Variants in GRM5 observed in about 807,000 individuals in gnomAD.
The protein encoded by GRM5 is metabotropic glutamate receptor 5.
A neutral mutation model predicts 83.1 loss-of-function variants in GRM5; 19 were observed. The observed-to-expected ratio is 0.23, with a 90% CI of 0.16 to 0.34. GRM5 has a LOEUF of 0.34. Ranked by LOEUF, GRM5 falls within the 10% of genes least tolerant of loss-of-function variation. The pLI is 1.00. For synonymous variants in GRM5, 675 were observed against 633.6 expected, an observed-to-expected ratio of 1.07 and a Z score of -0.98; for missense variants, 1,160 against 1,588.3, an observed-to-expected ratio of 0.73 and a Z score of 4.58.
chr11:88,717,806 T>TTAGTACAAC (rs764332408), intron 3 of GRM5, among the ~76,000 whole-genome samples: 66 of 151,912 alleles, frequency 4.3e-4, no homozygotes, highest in Non-Finnish European at 9.0e-4. Flanking sequence ...ATGGTTGAAT[T>TTAGTACAAC]ATATGTGTAC....
intron 3 of GRM5, among the ~76,000 whole-genome samples, chr11:88,759,114 C>T (rs564529287): frequency 2.6e-5 from 4 of 152,112 alleles, no homozygotes; most frequent in Non-Finnish European, 5.9e-5. Flanking sequence ...TCATTACCAT[C>T]CACTACAAAA....
intron 3 of GRM5, among the ~76,000 whole-genome samples, chr11:88,784,640 T>C (rs1040510178): frequency 6.6e-6 from 1 of 152,040 alleles, no homozygotes; most frequent in Admixed American, 6.6e-5. Context: ...CCCATTCTAT[T>C]GAATAAATAC....
chr11:88,556,645 T>A (rs1395267164), intron 8 of GRM5, among the ~76,000 whole-genome samples: 1 of 152,120 alleles, frequency 6.6e-6, no homozygotes. Context: ...CTGTATTATG[T>A]TCACAGTGGA....
chr11:88,724,349 C>T (rs1027828183), intron 3 of GRM5, among the ~76,000 whole-genome samples: 3 of 152,290 alleles, frequency 2.0e-5, no homozygotes, highest in Middle Eastern at 3.4e-3. Flanking sequence ...GTCCCTGCCA[C>T]TCTGCTTACA....
intron 3 of GRM5, among the ~76,000 whole-genome samples, chr11:88,761,036 G>T (rs551686969): frequency 1.3e-5 from 2 of 152,066 alleles, no homozygotes; most frequent in East Asian, 3.9e-4. Context: ...TAATAAACTA[G>T]TTATTGAAGG....
chr11:88,800,505 A>G (rs1943369384), intron 3 of GRM5, among the ~76,000 whole-genome samples: 1 of 152,174 alleles, frequency 6.6e-6, no homozygotes, highest in African/African-American at 2.4e-5. Flanking sequence ...CCTGAAGGAC[A>G]AGAATCATAT....
intron 3 of GRM5, among the ~76,000 whole-genome samples, chr11:88,749,264 G>T (rs754070233): frequency 3.9e-5 from 6 of 152,238 alleles, no homozygotes; most frequent in Middle Eastern, 6.8e-3. Flanking sequence ...ATGTAATGGA[G>T]ATAAAAAACA....
chr11:88,843,745 G>C (rs1944248479), intron 3 of GRM5, among the ~76,000 whole-genome samples: 1 of 152,250 alleles, frequency 6.6e-6, no homozygotes, highest in Non-Finnish European at 1.5e-5. Flanking sequence ...CAGCCAAGTT[G>C]TGAATATAGA....
At chr11:88,781,127 G>A (rs199918019) in intron 3 of GRM5, among the ~76,000 whole-genome samples, 1 of 145,412 alleles carries the variant, frequency 6.9e-6, no homozygotes, top group Non-Finnish European at 1.5e-5. Context: ...ACATATATAT[G>A]TATATATATA....
At chr11:88,736,414 GTA>G (rs1398770459) in intron 3 of GRM5, among the ~76,000 whole-genome samples, 6 of 151,934 alleles carry the variant, frequency 3.9e-5, no homozygotes, top group African/African-American at 1.4e-4. Flanking sequence ...CCAAATTTTT[GTA>G]TCTCTTTGCA....
intron 2 of GRM5, among the ~76,000 whole-genome samples, chr11:88,942,192 T>C (rs1938138307): frequency 6.6e-6 from 1 of 152,018 alleles, no homozygotes; most frequent in African/African-American, 2.4e-5. Flanking sequence ...TCTCAGGCTG[T>C]GTCAGAAAAT....
chr11:88,814,998 CCT>C (rs759314421), intron 3 of GRM5, among the ~76,000 whole-genome samples: 10 of 151,952 alleles, frequency 6.6e-5, no homozygotes, highest in Non-Finnish European at 1.2e-4. Context: ...TTTAAATGTC[CCT>C]CTCTCAATAA....
chr11:88,888,861 G>A (rs1307957973), intron 2 of GRM5, among the ~76,000 whole-genome samples: 1 of 152,110 alleles, frequency 6.6e-6, no homozygotes, highest in Non-Finnish European at 1.5e-5. Flanking sequence ...TAAGCCTGCT[G>A]TTCAAGCCAG....
intron 7 of GRM5, among the ~76,000 whole-genome samples, chr11:88,570,018 G>GAAGGGAAGGGAAGAAACAAAGGA (rs1942953985): frequency 6.6e-6 from 1 of 151,980 alleles, no homozygotes; most frequent in Non-Finnish European, 1.5e-5. Context: ...GGGAAGGGAA[G>GAAGGGAAGGGAAGAAACAAAGGA]AAGGGAAGGG....
chr11:89,026,469 G>T (rs986184313), intron 2 of GRM5, among the ~76,000 whole-genome samples: 5 of 152,160 alleles, frequency 3.3e-5, no homozygotes, highest in African/African-American at 9.7e-5. Flanking sequence ...AATATAGATA[G>T]CATGGTGTAA....
chr11:88,513,071 C>T (rs1190946508), intron 9 of GRM5, among the ~76,000 whole-genome samples: 1 of 152,128 alleles, frequency 6.6e-6, no homozygotes, highest in Non-Finnish European at 1.5e-5. Flanking sequence ...TCCTCTCTTC[C>T]TTTTTGCTTA....
chr11:88,652,252 G>C (rs1939650717), intron 4 of GRM5, among the ~76,000 whole-genome samples: 1 of 151,784 alleles, frequency 6.6e-6, no homozygotes, highest in Admixed American at 6.6e-5. Flanking sequence ...ATGCATATGG[G>C]TTTCTTATAA....
intron 3 of GRM5, among the ~76,000 whole-genome samples, chr11:88,715,598 T>C (rs1376761542): frequency 6.6e-6 from 1 of 152,006 alleles, no homozygotes; most frequent in Non-Finnish European, 1.5e-5. Flanking sequence ...GTCAGCTGCC[T>C]CAAATCCTTT....
At chr11:88,744,106 T>C (rs1244987053) in intron 3 of GRM5, among the ~76,000 whole-genome samples, 2 of 152,190 alleles carry the variant, frequency 1.3e-5, no homozygotes, top group African/African-American at 4.8e-5. Flanking sequence ...ATACCTCCCA[T>C]TTCCTAAGGT....
Sources: gnomAD v4.1 joint callset for allele counts (sites outside exome capture counted in the v4.1 genomes callset) on GRCh38, gnomAD v4.1.1 for gene constraint, MANE v1.5 for transcripts, NCBI Gene and HGNC (gene_info 2026-07-23, HGNC 2026-07-21) for gene names.